The following CXorf38 variants were observed in gnomAD, a reference collection of about 807,000 sequenced individuals.
CXorf38 encodes the protein uncharacterized protein CXorf38.
CXorf38 carries 13 observed loss-of-function variants against 27.5 expected under a neutral mutation model. The observed-to-expected ratio is 0.47, with a 90% CI of 0.31 to 0.75. The LOEUF (loss-of-function observed/expected upper bound fraction) is 0.75, where lower values mean the gene tolerates loss of function less well. Among genes scored for constraint, CXorf38 ranks in the 30% least tolerant of loss-of-function variants. The pLI, the probability that CXorf38 is intolerant of heterozygous loss-of-function variation, is 0.05. For missense variants in CXorf38, 240 were observed against 253.2 expected, an observed-to-expected ratio of 0.95 and a Z score of 0.35; for synonymous variants, 100 against 99.8, an observed-to-expected ratio of 1.00 and a Z score of -0.01.
chrX:40,631,234 T>C (rs1468202931), intron 5 of CXorf38, among the ~76,000 whole-genome samples: 2 of 79,772 alleles, frequency 2.5e-5, no homozygotes, highest in Non-Finnish European at 4.8e-5. Flanking sequence ...TGTATATATA[T>C]GTGTGTATGT....
chrX:40,634,015 A>G (rs977732037), intron 5 of CXorf38, among the ~76,000 whole-genome samples: 2 of 111,490 alleles, frequency 1.8e-5, no homozygotes, highest in African/African-American at 3.3e-5. Flanking sequence ...AGCAGAAAAA[A>G]AAATCTCACA....
intron 5 of CXorf38, among the ~76,000 whole-genome samples, chrX:40,631,254 TACACACACACACACACACACAC>T (rs56725827): frequency 2.2e-4 from 20 of 88,947 alleles, no homozygotes; most frequent in Admixed American, 1.1e-3. Context: ...TATATATATA[TACACACACACACACACACACAC>T]ACACACACAC....
chrX:40,637,592 A>G (rs1928134764), intron 3 of CXorf38, among the ~76,000 whole-genome samples: 1 of 112,401 alleles, frequency 8.9e-6, no homozygotes, highest in African/African-American at 3.2e-5. Flanking sequence ...GCTTGTTGCC[A>G]TGGGAGTTAC....
At chrX:40,632,681 A>G (rs1407042274) in intron 5 of CXorf38, among the ~76,000 whole-genome samples, 1 of 111,573 alleles carries the variant, frequency 9.0e-6, no homozygotes, top group Non-Finnish European at 1.9e-5. Flanking sequence ...AACTGAAAGT[A>G]CTAGAAAAAT....
chrX:40,631,331 A>G (rs1298175926), intron 5 of CXorf38, among the ~76,000 whole-genome samples: 2 of 106,915 alleles, frequency 1.9e-5, no homozygotes, highest in Non-Finnish European at 3.9e-5. Context: ...TTTTTGAGAC[A>G]GTGTCTTGCT....
chrX:40,638,065 G>A (rs943112730), intron 3 of CXorf38, among the ~76,000 whole-genome samples: 4 of 112,346 alleles, frequency 3.6e-5, no homozygotes, highest in Non-Finnish European at 5.6e-5. Context: ...CCCAAAGGAT[G>A]AAGCAGACAA....
intron 1 of CXorf38, 44 bp downstream of exon 1, chrX:40,647,261 G>A (rs759531815): frequency 9.9e-6 from 11 of 1,108,520 alleles, no homozygotes; most frequent in Non-Finnish European, 1.3e-5. Context: ...GATGAGGAGG[G>A]GTGGGGTGGG....
chrX:40,645,127 G>A (rs911080141), intron 2 of CXorf38, among the ~76,000 whole-genome samples: 1 of 111,964 alleles, frequency 8.9e-6, no homozygotes, highest in African/African-American at 3.3e-5. Context: ...GGAAGCAGTG[G>A]AAGCCTCAAA....
intron 3 of CXorf38, among the ~76,000 whole-genome samples, chrX:40,637,897 C>G (rs1928146684): frequency 9.0e-6 from 1 of 111,575 alleles, no homozygotes; most frequent in Non-Finnish European, 1.9e-5. Flanking sequence ...AATCCCCAGC[C>G]ACATGAATAA....
intron 2 of CXorf38, chrX:40,639,716 A>G (rs925058783): frequency 1.7e-5 from 2 of 117,198 alleles, no homozygotes; most frequent in Non-Finnish European, 3.5e-5. Context: ...GTATAGCACT[A>G]GCACAGTGCT....
chrX:40,643,560 G>C (rs1205265523), intron 2 of CXorf38, among the ~76,000 whole-genome samples: 2 of 110,803 alleles, frequency 1.8e-5, no homozygotes, highest in Non-Finnish European at 3.8e-5. Flanking sequence ...CCAGGCTGGA[G>C]TGCAATAGCA....
chrX:40,641,761 C>T (rs1928332778), intron 2 of CXorf38, among the ~76,000 whole-genome samples: 1 of 112,343 alleles, frequency 8.9e-6, no homozygotes, highest in Admixed American at 9.4e-5. Flanking sequence ...GGCTCTGCTG[C>T]ATCCTTACAG....
intron 2 of CXorf38, among the ~76,000 whole-genome samples, chrX:40,644,868 T>C (rs746072575): frequency 8.9e-6 from 1 of 111,874 alleles, no homozygotes; most frequent in Non-Finnish European, 1.9e-5. Context: ...TAGAGAGAGA[T>C]GTGGCCAGAC....
At chrX:40,633,194 T>C (rs1484125896) in intron 5 of CXorf38, among the ~76,000 whole-genome samples, 1 of 110,631 alleles carries the variant, frequency 9.0e-6, no homozygotes, top group African/African-American at 3.3e-5. Flanking sequence ...CAGTACCCCG[T>C]AGTACCCTCA....
intron 2 of CXorf38, chrX:40,640,103 G>A (rs890119093): frequency 1.1e-5 from 3 of 270,254 alleles, no homozygotes; most frequent in Non-Finnish European, 2.1e-5. Flanking sequence ...CCAGCACTTC[G>A]GGAGGCAAAA....
chrX:40,631,254 TACACACACACACACACAC>T lies in CXorf38; in HGVS notation c.802-499_802-482del, dbSNP rs56725827. 2.6e-3 allele frequency among the ~76,000 whole-genome samples: 234 copies of T among 88,939 alleles called. 2 individuals are homozygous for T. Among genetic ancestry groups the T allele is most frequent in the African/African-American group, 9.6e-3 (225 of 23,549 alleles). The allele number at this position is 88,939 out of a possible 115,157, so 77.2% of individuals were successfully genotyped here. A position where few individuals can be genotyped will look rare whatever the true frequency, so the allele number is the denominator to read the frequency against. On this transcript the variant is annotated intron_variant, in intron 5 of 6. Transcript: ENST00000327877. ...ATATATGTGTGTATGTATATATATATACACACACACACACACACACACACACACACACACACGTGTATG... is the reference window on the plus strand; with the variant it reads ...ATATATGTGTGTATGTATATATATATACACACACACACACACACGTGTATG...
intron 3 of CXorf38, 26 bp downstream of exon 3, chrX:40,638,983 A>G (rs1342098030): frequency 8.3e-7 from 1 of 1,204,753 alleles, no homozygotes; most frequent in Admixed American, 2.2e-5. Context: ...GACTCAGGGT[A>G]TGCTTTTGAA....
At chrX:40,646,524 C>A (rs1273660330) in intron 2 of CXorf38, among the ~76,000 whole-genome samples, 1 of 111,814 alleles carries the variant, frequency 8.9e-6, no homozygotes, top group African/African-American at 3.3e-5. Flanking sequence ...GATCCGGCTG[C>A]CTACCCCATT....
intron 5 of CXorf38, among the ~76,000 whole-genome samples, chrX:40,632,071 A>G (rs1927839726): frequency 8.9e-6 from 1 of 111,878 alleles, no homozygotes; most frequent in Non-Finnish European, 1.9e-5. Flanking sequence ...CATGGATGAC[A>G]CTGTTCACAG....
Sources: gnomAD v4.1 joint callset for allele counts (sites outside exome capture counted in the v4.1 genomes callset) on GRCh38, gnomAD v4.1.1 for gene constraint, MANE v1.5 for transcripts, NCBI Gene and HGNC (gene_info 2026-07-23, HGNC 2026-07-21) for gene names.